Variants in VPS13B observed in about 807,000 individuals in gnomAD.
The protein encoded by VPS13B is vacuolar protein sorting 13 homolog B, also known as intermembrane lipid transfer protein VPS13B.
In VPS13B, 285 loss-of-function variants were observed where a neutral mutation model predicts 426.4. The ratio of observed to expected loss-of-function variants is 0.67; its 90% CI spans 0.61 to 0.74. The LOEUF (loss-of-function observed/expected upper bound fraction) is 0.74. VPS13B is among the 30% of genes least tolerant of loss of function. VPS13B has a pLI of 0.00. For synonymous variants in VPS13B, 1,676 were observed against 1,676.4 expected, an observed-to-expected ratio of 1.00 and a Z score of 0.01; for missense variants, 4,537 against 4,782.6, an observed-to-expected ratio of 0.95 and a Z score of 1.51.
intron 33 of VPS13B, among the ~76,000 whole-genome samples, chr8:99,610,152 T>G (rs1024447931): frequency 1.3e-5 from 2 of 152,218 alleles, no homozygotes; most frequent in African/African-American, 4.8e-5. Context: ...TCTTGGAATA[T>G]GCTGTTGTTT....
At chr8:99,468,172 G>A (rs1467454004) in intron 24 of VPS13B, among the ~76,000 whole-genome samples, 1 of 152,076 alleles carries the variant, frequency 6.6e-6, no homozygotes, top group Non-Finnish European at 1.5e-5. Flanking sequence ...ACAGGCCTGA[G>A]TGTGTGATGT....
intron 33 of VPS13B, among the ~76,000 whole-genome samples, chr8:99,604,062 A>G (rs1283465046): frequency 2.0e-5 from 3 of 152,222 alleles, no homozygotes; most frequent in Non-Finnish European, 4.4e-5. Context: ...TCAGGCCACA[A>G]GGACTGAACC....
At chr8:99,859,232 G>T (rs896383566) in intron 56 of VPS13B, 72 bp from the exon 57 acceptor site, 2 of 1,584,920 alleles carry the variant, frequency 1.3e-6, no homozygotes, top group African/African-American at 1.3e-5. Context: ...GGGAAAATGG[G>T]TCACTTTTTC....
intron 51 of VPS13B, among the ~76,000 whole-genome samples, chr8:99,831,549 CTT>C (rs1163279587): frequency 6.6e-6 from 1 of 152,138 alleles, no homozygotes; most frequent in Non-Finnish European, 1.5e-5. Flanking sequence ...GGATAAAAGT[CTT>C]ATACTTTTAA....
At chr8:99,864,571 A>T (rs775614084) in intron 58 of VPS13B, among the ~76,000 whole-genome samples, 1 of 152,142 alleles carries the variant, frequency 6.6e-6, no homozygotes, top group African/African-American at 2.4e-5. Context: ...TAATAGTAAT[A>T]ATAATAGTTT....
intron 23 of VPS13B, among the ~76,000 whole-genome samples, chr8:99,447,744 CAT>C (rs1305217229): frequency 6.6e-6 from 1 of 152,000 alleles, no homozygotes; most frequent in East Asian, 1.9e-4. Flanking sequence ...GTATGTGTCA[CAT>C]ATTGTTAAAA....
intron 54 of VPS13B, among the ~76,000 whole-genome samples, chr8:99,842,722 C>T (rs756588412): frequency 2.0e-5 from 3 of 152,054 alleles, no homozygotes; most frequent in African/African-American, 7.2e-5. Flanking sequence ...TATAAATAAT[C>T]ATTCAAATAA....
chr8:99,339,969 T>C (rs1235696572), intron 19 of VPS13B, among the ~76,000 whole-genome samples: 4 of 152,246 alleles, frequency 2.6e-5, no homozygotes, highest in Non-Finnish European at 5.9e-5. Context: ...TTCTGCTTAC[T>C]AACTCCAACA....
intron 44 of VPS13B, among the ~76,000 whole-genome samples, chr8:99,816,182 A>C (rs2130806810): frequency 6.7e-6 from 1 of 148,770 alleles, no homozygotes; most frequent in East Asian, 2.0e-4. Context: ...GGCTCACCGC[A>C]ACCTCCACCT....
chr8:99,592,592 G>A (rs1826749386), intron 33 of VPS13B, among the ~76,000 whole-genome samples: 1 of 152,066 alleles, frequency 6.6e-6, no homozygotes, highest in Admixed American at 6.6e-5. Context: ...CCAAAACAGA[G>A]CCTGAATAGC....
chr8:99,674,862 CCA>C (rs996368175), intron 35 of VPS13B, among the ~76,000 whole-genome samples: 1 of 152,042 alleles, frequency 6.6e-6, no homozygotes, highest in African/African-American at 2.4e-5. Context: ...CTACCTCCCT[CCA>C]CATTTTGAAT....
chr8:99,013,775 C>G lies in VPS13B; in HGVS notation c.-14C>G. The G allele has an allele frequency of 6.2e-7, 1 of 1,614,092 alleles. No homozygotes were observed. Among genetic ancestry groups the G allele is most frequent in the Non-Finnish European group, 8.5e-7 (1 of 1,180,000 alleles). ...CTCCTTTCAGCTTCCGACTTCGACT[C>G]CTTACCTTAAAAGATGCTGGAGTCA... On this transcript the variant is annotated 5_prime_UTR_variant, in exon 2 of 62. Coordinates refer to ENST00000357162, the MANE Select transcript of VPS13B (RefSeq NM_152564.5).
chr8:99,509,392 A>T (rs1010670845), intron 28 of VPS13B, among the ~76,000 whole-genome samples: 1 of 152,174 alleles, frequency 6.6e-6, no homozygotes, highest in African/African-American at 2.4e-5. Context: ...CAACCATTTA[A>T]TGCTTACTTT....
chr8:99,690,472 T>A (rs376396495), intron 35 of VPS13B, among the ~76,000 whole-genome samples: 1 of 152,198 alleles, frequency 6.6e-6, no homozygotes, highest in South Asian at 2.1e-4. Context: ...TAAACTGTTT[T>A]GTGCTGCAAA....
intron 17 of VPS13B, among the ~76,000 whole-genome samples, chr8:99,267,597 C>T (rs949454596): frequency 2.6e-5 from 4 of 151,710 alleles, no homozygotes; most frequent in African/African-American, 4.8e-5. Context: ...CATGGTAGCG[C>T]ATGCCTATAA....
chr8:99,160,548 G>C (rs1478926455), intron 15 of VPS13B, among the ~76,000 whole-genome samples: 1 of 151,296 alleles, frequency 6.6e-6, no homozygotes, highest in Non-Finnish European at 1.5e-5. Context: ...CTACCTGGGA[G>C]GCTGAGGTGA....
At chr8:99,338,065 G>T (rs964990175) in intron 19 of VPS13B, among the ~76,000 whole-genome samples, 3 of 152,012 alleles carry the variant, frequency 2.0e-5, no homozygotes, top group African/African-American at 7.2e-5. Context: ...GTTTGTCCAT[G>T]GTCATGCCAG....
Position 99,870,952 on chromosome 8 carries a change from C to T in VPS13B, c.11495+65C>T, listed in dbSNP as rs1324010615. On this transcript the variant is annotated intron_variant, in intron 60 of 61. Transcript: ENST00000357162. ...TTGTATGTTAATAGCTCCTGGCTTG[C>T]TCTCAAGCTAATGGGCCATGCTTCC... is the stretch of plus-strand genomic sequence containing the variant. 7.2e-6 allele frequency: 11 copies of T among 1,523,798 alleles called. No individual in the cohort carries two copies. In the East Asian group the frequency reaches 1.8e-4, roughly 25 times the overall value. The allele number at this position is 1,523,798 out of a possible 1,614,324, so 94.4% of individuals were successfully genotyped here. A position where few individuals can be genotyped will look rare whatever the true frequency, so the allele number is the denominator to read the frequency against.
chr8:99,539,289 A>G (rs998050762), intron 30 of VPS13B, among the ~76,000 whole-genome samples: 1 of 152,226 alleles, frequency 6.6e-6, no homozygotes, highest in Non-Finnish European at 1.5e-5. Context: ...ATATTAAAAT[A>G]TAGATATACA....
Sources: allele counts gnomAD v4.1 joint callset (sites outside exome capture counted in the v4.1 genomes callset), GRCh38; gene constraint gnomAD v4.1.1; transcripts MANE v1.5; gene names NCBI Gene and HGNC (gene_info 2026-07-23, HGNC 2026-07-21).